Variants in USP15 observed in about 807,000 individuals in gnomAD.
The protein encoded by USP15 is ubiquitin specific peptidase 15, also known as ubiquitin carboxyl-terminal hydrolase 15.
USP15 carries 18 observed loss-of-function variants against 127.1 expected under a neutral mutation model. The ratio of observed to expected loss-of-function variants is 0.14; its 90% CI spans 0.10 to 0.21. USP15 has a LOEUF of 0.21. Ranked by LOEUF, USP15 falls within the 10% of genes least tolerant of loss-of-function variation. USP15 has a pLI of 1.00. For missense variants in USP15, 805 were observed against 1,159.9 expected, an observed-to-expected ratio of 0.69 and a Z score of 4.44; for synonymous variants, 364 against 393.7, an observed-to-expected ratio of 0.92 and a Z score of 0.89.
At chr12:62,313,970 TC>T (rs1325708825) in intron 3 of USP15, 28 of 770,752 alleles carry the variant, frequency 3.6e-5, no homozygotes, top group Non-Finnish European at 4.3e-5. Flanking sequence ...GGATCACATA[TC>T]AGGCCTATTA....
intron 1 of USP15, among the ~76,000 whole-genome samples, chr12:62,286,923 G>A (rs1252212528): frequency 7.1e-6 from 1 of 141,562 alleles, no homozygotes; most frequent in Admixed American, 7.0e-5. Context: ...GGCAACAAGA[G>A]CGAAACTCTG....
chr12:62,285,425 CTTCT>C (rs1446501511), intron 1 of USP15, among the ~76,000 whole-genome samples: 1 of 151,762 alleles, frequency 6.6e-6, no homozygotes, highest in Non-Finnish European at 1.5e-5. Flanking sequence ...ACATGGCTTC[CTTCT>C]TTTTTATGGC....
intron 6 of USP15, among the ~76,000 whole-genome samples, chr12:62,339,996 C>T (rs2065598868): frequency 6.6e-6 from 1 of 152,114 alleles, no homozygotes; most frequent in Non-Finnish European, 1.5e-5. Flanking sequence ...TACAATTTGG[C>T]TGTGAATCAG....
At chr12:62,326,367 A>G (rs2065123163) in intron 6 of USP15, among the ~76,000 whole-genome samples, 1 of 152,236 alleles carries the variant, frequency 6.6e-6, no homozygotes, top group South Asian at 2.1e-4. Flanking sequence ...TATATGAGGT[A>G]TTTTTGAGGG....
intron 18 of USP15, 36 bp from the exon 19 acceptor site, chr12:62,393,017 C>G (rs758416527): frequency 6.9e-5 from 110 of 1,600,836 alleles, no homozygotes; most frequent in Non-Finnish European, 3.3e-5. Flanking sequence ...TTGTTTGTAC[C>G]TCTATCAAGT....
chr12:62,302,634 A>T (rs546018529), intron 2 of USP15, among the ~76,000 whole-genome samples, 156 bp from the exon 3 acceptor site: 1 of 152,260 alleles, frequency 6.6e-6, no homozygotes, highest in South Asian at 2.1e-4. Context: ...GCCCAGAGAA[A>T]CCCAAAAATT....
rs933507926 is a variant in USP15, at chr12:62,408,225, G to A, written c.*3850G>A. On this transcript the variant is annotated 3_prime_UTR_variant, in exon 22 of 22. Transcript: ENST00000280377. ...AGGAGGAATATATTAGACTGATAAC[G>A]TTTAAGTCTGATGTATGGTGACAAG... 3.9e-5 allele frequency: 6 copies of A among 152,048 alleles called. No individual in the cohort carries two copies. Among genetic ancestry groups the A allele is most frequent in the Admixed American group, 6.6e-5 (1 of 15,250 alleles). The allele number at this position is 152,048 out of a possible 1,614,324, so 9.4% of individuals were successfully genotyped here. A position where few individuals can be genotyped will look rare whatever the true frequency, so the allele number is the denominator to read the frequency against.
intron 21 of USP15, 126 bp from the exon 22 acceptor site, chr12:62,404,059 TCCATTTGA>T (rs59277615): frequency 0.21 from 244,212 of 1,152,342 alleles, 25,791 homozygotes; most frequent in African/African-American, 0.34. Context: ...TTTAGTAACT[TCCATTTGA>T]CCATGCATGG....
intron 6 of USP15, chr12:62,335,018 C>T (rs2137348158): frequency 1.5e-6 from 1 of 689,174 alleles, no homozygotes; most frequent in South Asian, 2.0e-5. Flanking sequence ...ACCACTTCAG[C>T]TAAATGGAAG....
chr12:62,308,774 T>C (rs768189708), intron 3 of USP15, among the ~76,000 whole-genome samples: 4 of 152,152 alleles, frequency 2.6e-5, no homozygotes, highest in African/African-American at 4.8e-5. Flanking sequence ...CTTCAAATGA[T>C]AGAAATTGTT....
At chr12:62,391,534 T>A in intron 16 of USP15, 105 bp downstream of exon 16, 1 of 1,389,204 alleles carries the variant, frequency 7.2e-7, no homozygotes, top group Admixed American at 2.7e-5. Context: ...ATATACCATT[T>A]ACTTTTCTAT....
At chr12:62,396,490 A>G in intron 20 of USP15, 92 bp downstream of exon 20, 1 of 1,070,198 alleles carries the variant, frequency 9.3e-7, no homozygotes, top group Non-Finnish European at 1.4e-6. Flanking sequence ...CTTAAGGATA[A>G]AATATCAGAT....
chr12:62,370,299 CTT>C (rs2066621995), intron 8 of USP15, among the ~76,000 whole-genome samples: 1 of 152,134 alleles, frequency 6.6e-6, no homozygotes, highest in Non-Finnish European at 1.5e-5. Flanking sequence ...ATAGTCAAGT[CTT>C]TTTTCATCTG....
At chr12:62,357,852 C>T (rs1424221577) in intron 8 of USP15, among the ~76,000 whole-genome samples, 1 of 152,000 alleles carries the variant, frequency 6.6e-6, no homozygotes, top group African/African-American at 2.4e-5. Flanking sequence ...AAAATGGTGG[C>T]AGTAGCCTTT....
chr12:62,319,740 G>T (rs75534569), intron 4 of USP15, among the ~76,000 whole-genome samples: 2 of 152,128 alleles, frequency 1.3e-5, no homozygotes, highest in South Asian at 4.1e-4. Context: ...AACATGTTAT[G>T]TACACAGATG....
At chr12:62,360,025 G>T (rs2066265983) in intron 8 of USP15, among the ~76,000 whole-genome samples, 1 of 152,058 alleles carries the variant, frequency 6.6e-6, no homozygotes, top group African/African-American at 2.4e-5. Context: ...TAGTTCAGTA[G>T]ATTCAAGAGC....
At chr12:62,368,956 C>A (rs550916351) in intron 8 of USP15, among the ~76,000 whole-genome samples, 1 of 152,176 alleles carries the variant, frequency 6.6e-6, no homozygotes, top group South Asian at 2.1e-4. Context: ...TTGTTCTTTC[C>A]GTGTTTTTAG....
chr12:62,319,340 A>G (rs1299536346), intron 4 of USP15, among the ~76,000 whole-genome samples: 1 of 152,212 alleles, frequency 6.6e-6, no homozygotes, highest in African/African-American at 2.4e-5. Flanking sequence ...ACAATTTGGC[A>G]TGAGATTTGG....
At chr12:62,326,727 G>A (rs955016883) in intron 6 of USP15, among the ~76,000 whole-genome samples, 13 of 152,174 alleles carry the variant, frequency 8.5e-5, no homozygotes, top group African/African-American at 2.7e-4. Flanking sequence ...ATAAGGGATT[G>A]TGAACATATA....
Sources: gnomAD v4.1 joint callset for allele counts (sites outside exome capture counted in the v4.1 genomes callset) on GRCh38, gnomAD v4.1.1 for gene constraint, MANE v1.5 for transcripts, NCBI Gene and HGNC (gene_info 2026-07-23, HGNC 2026-07-21) for gene names.